The following PPP4R3C variants were observed in gnomAD, a reference collection of about 807,000 sequenced individuals.
PPP4R3C encodes protein PPP4R3C.
For missense variants in PPP4R3C, 372 were observed against 237.3 expected (o/e 1.57, Z -3.73); for synonymous variants, 150 against 86.5 (o/e 1.73, Z -4.07).
rs1922998465 is a variant in PPP4R3C at position 27,462,743 on chromosome X, A to C, written c.554T>G (p.Leu185Arg). Residue 185 changes from leucine to arginine, a missense_variant, in exon 1 of 1, where the codon CTA (leucine) becomes CGA (arginine). Leu to Arg is a moderately radical substitution (Grantham distance 102). Transcript: ENST00000412172. ...LLQLFHTCEN[L>R]ENTEGLHHLY... ...ATGGTGTAAACCTTCAGTATTCTCT[A>C]GATTTTCACAAGTGTGGAACAGTTG... 1 of 516,274 alleles carries C rather than the reference A, an allele frequency of 1.9e-6. No individual in the cohort carries two copies. Among genetic ancestry groups the C allele is most frequent in the African/African-American group, 2.3e-5 (1 of 43,449 alleles). The allele number at this position is 516,274 out of a possible 1,213,427, so 42.5% of individuals were successfully genotyped here.
At position 27,461,954 on chromosome X, in the gene PPP4R3C, C is replaced by T. The variant is rs868351825; in HGVS notation, c.1343G>A (p.Arg448His). The T allele has an allele frequency of 1.5e-5, 8 of 516,629 alleles. No homozygotes were observed. The highest frequency in any genetic ancestry group is 6.9e-5 in the African/African-American group (3 of 43,313). 42.6% of individuals were successfully genotyped at this position (516,629 alleles called of 1,213,427 possible). ...TTTCTCAGGTGTTGTCAGCATGTTG[C>T]GTGGATCAAGTAGAGTATGCAGAAC... ...MVVLHTLLDPRNMLTTPEKSE... is the reference protein window; with the variant it reads ...MVVLHTLLDPHNMLTTPEKSE... The change falls in exon 1 of 1, where the codon CGC becomes CAC. Residue 448 changes from arginine (R) to histidine (H), a missense_variant. Transcript: ENST00000412172.
At position 27,462,075 on chromosome X, in the gene PPP4R3C, C is replaced by T. The variant is rs781066252; in HGVS notation, c.1222G>A (p.Val408Met). ...ATGAAAAGGTCACTATCTTTGCACA[C>T]GTGAGCTTCTGAAATTATAAATTCT... ...IREFIISEAH[V>M]CKDSDLFINV... Residue 408 changes from valine (V) to methionine (M), a missense_variant, in exon 1 of 1, where the codon GTG (valine) becomes ATG (methionine). Physicochemically the swap from Val to Met is conservative, Grantham distance 21 (BLOSUM62 1). Coordinates refer to ENST00000412172, the MANE Select transcript of PPP4R3C (RefSeq NM_207319.4). The T allele has an allele frequency of 4.3e-5, 22 of 513,840 alleles. No individual in the cohort carries two copies. In the South Asian group the frequency reaches 5.2e-4, roughly 12 times the overall value. 42.3% of individuals were successfully genotyped at this position (513,840 alleles called of 1,213,427 possible).
rs1472706166 is a variant in PPP4R3C at position 27,462,046 on chromosome X, A to G, written c.1251T>C (p.Asn417=). The G allele has an allele frequency of 1.9e-6, 1 of 522,464 alleles. No homozygotes were observed. Among genetic ancestry groups the G allele is most frequent in the Non-Finnish European group, 3.4e-6 (1 of 290,356 alleles). The allele number at this position is 522,464 out of a possible 1,213,427, so 43.1% of individuals were successfully genotyped here. A position where few individuals can be genotyped will look rare whatever the true frequency, so the allele number is the denominator to read the frequency against. The part of the protein sequence containing the change: ...HVCKDSDLFI[N]VIIKQMICDT... ...CACAGATCATTTGTTTAATTATTACATTAATGAAAAGGTCACTATCTTTGC... is the reference window on the plus strand; with the variant it reads ...CACAGATCATTTGTTTAATTATTACGTTAATGAAAAGGTCACTATCTTTGC... Residue 417 remains asparagine, a synonymous_variant, in exon 1 of 1, where the codon AAT becomes AAC. Transcript: ENST00000412172.
chrX:27,461,861 A>G lies in PPP4R3C; in HGVS notation c.1436T>C (p.Leu479Ser), dbSNP rs1295298155. 7.8e-6 allele frequency: 4 copies of G among 513,641 alleles called. No individual in the cohort carries two copies. The South Asian group carries it at 9.9e-5, about 13-fold the overall frequency. The allele number at this position is 513,641 out of a possible 1,213,427, so 42.3% of individuals were successfully genotyped here. ...ACAGTTGTGTTCTGAGGTGGCAGCC[A>G]AAAGTGGTGCTGTAAATTTATGCAT... ...HCMHKFTAPL[L>S]AATSEHNCEE... is the part of the protein sequence containing the mutation. The change falls in exon 1 of 1, where the codon TTG becomes TCG. Residue 479 changes from leucine (L) to serine (S), a missense_variant. Transcript: ENST00000412172.
Position 27,461,121 on chromosome X carries a change from T to C in PPP4R3C, c.2176A>G (p.Thr726Ala), listed in dbSNP as rs2146838210. The C allele has an allele frequency of 2.0e-6, 1 of 511,463 alleles. No homozygotes were observed. Among genetic ancestry groups the C allele is most frequent in the Non-Finnish European group, 3.5e-6 (1 of 286,263 alleles). The allele number at this position is 511,463 out of a possible 1,213,427, so 42.2% of individuals were successfully genotyped here. A position where few individuals can be genotyped will look rare whatever the true frequency, so the allele number is the denominator to read the frequency against. ...TCTTGGTGGGTTCTTTTGGTCTCCG[T>C]AAATTTATCGTCATCTTCCAGTGGT... ...MPPLEDDDKF[T>A]ETKRTHQEGE... The change falls in exon 1 of 1, where the codon ACG (threonine) becomes GCG (alanine). Residue 726 changes from threonine to alanine, a missense_variant. Transcript: ENST00000412172.
In PPP4R3C at chrX:27,461,652, T is replaced by C; in HGVS notation, c.1645A>G (p.Lys549Glu). ...LRKALILMNS[K>E]HTHLILCVLR... ...ACACACAAAATCAGGTGAGTATGCTTTGAATTCATCAATATCAAGGCCTTT... is the reference window on the plus strand; with the variant it reads ...ACACACAAAATCAGGTGAGTATGCTCTGAATTCATCAATATCAAGGCCTTT... The change falls in exon 1 of 1, where the codon AAG becomes GAG. Residue 549 changes from lysine (K) to glutamate (E), a missense_variant. Coordinates refer to ENST00000412172, the MANE Select transcript of PPP4R3C (RefSeq NM_207319.4). 1 of 515,836 alleles carries C rather than the reference T, an allele frequency of 1.9e-6. No homozygotes were observed. The highest frequency in any genetic ancestry group is 2.6e-5 in the Admixed American group (1 of 37,947). 42.5% of individuals were successfully genotyped at this position (515,836 alleles called of 1,213,427 possible).
chrX:27,462,894 C>A lies in PPP4R3C; in HGVS notation c.403G>T (p.Asp135Tyr). The change falls in exon 1 of 1, where the codon GAC (aspartate) becomes TAC (tyrosine). Residue 135 changes from aspartate to tyrosine, a missense_variant. Transcript: ENST00000412172. ...TGATCAAGTGTATTGAGTTCACAGT[C>A]AGGCAGCACAACCATATTACTAATT... is the stretch of plus-strand genomic sequence containing the variant. ...SVISNMVVLP[D>Y]CELNTLDQIA... 1.9e-6 allele frequency: 1 copy of A among 515,168 alleles called. No individual in the cohort carries two copies. Among genetic ancestry groups the A allele is most frequent in the South Asian group, 2.5e-5 (1 of 40,701 alleles). The allele number at this position is 515,168 out of a possible 1,213,427, so 42.5% of individuals were successfully genotyped here. A position where few individuals can be genotyped will look rare whatever the true frequency, so the allele number is the denominator to read the frequency against.
chrX:27,461,167 T>C lies in PPP4R3C; in HGVS notation c.2130A>G (p.Gln710=), dbSNP rs1465772013. Residue 710 remains glutamine (Q), a synonymous_variant, in exon 1 of 1, where the codon CAA becomes CAG. Coordinates refer to ENST00000412172, the MANE Select transcript of PPP4R3C (RefSeq NM_207319.4). ...DDEFMETKRT[Q]EGEAVMPPLE... The stretch of plus-strand genomic sequence containing the variant: ...GTGGTGGCATAACTGCTTCTCCTTC[T>C]TGGGTTCTTTTGGTCTCCATAAATT... 1.2e-5 allele frequency: 6 copies of C among 512,302 alleles called. No individual in the cohort carries two copies. The highest frequency in any genetic ancestry group is 2.1e-5 in the Non-Finnish European group (6 of 286,516). The allele number at this position is 512,302 out of a possible 1,213,427, so 42.2% of individuals were successfully genotyped here. A position where few individuals can be genotyped will look rare whatever the true frequency, so the allele number is the denominator to read the frequency against.
Position 27,461,798 on chromosome X carries a change from T to C in PPP4R3C, c.1499A>G (p.Asn500Ser). Residue 500 changes from asparagine (N) to serine (S), a missense_variant, in exon 1 of 1, where the codon AAT becomes AGT. Transcript: ENST00000412172. ...DDIAGYDKSK[N>S]CPNDNQTAQL... Reference sequence around the variant, plus strand: ...TGCTGTTTGATTATCATTGGGGCAATTTTTGCTTTTGTCATATCCAGCTAT... The same window carrying C: ...TGCTGTTTGATTATCATTGGGGCAACTTTTGCTTTTGTCATATCCAGCTAT... The C allele has an allele frequency of 1.9e-6, 1 of 515,378 alleles. No homozygotes were observed. The highest frequency in any genetic ancestry group is 3.5e-6 in the Non-Finnish European group (1 of 287,046). The allele number at this position is 515,378 out of a possible 1,213,427, so 42.5% of individuals were successfully genotyped here.
Position 27,462,587 on chromosome X carries a change from CT to C in PPP4R3C, c.709del (p.Arg237GlyfsTer6). On this transcript the variant is annotated frameshift_variant, in exon 1 of 1. Transcript: ENST00000412172. LOFTEE classifies it low-confidence loss of function (END_TRUNC). ...EYDPALDQPK[R>X]HRDFLTNDAK... ...ATCGTTGGTCAAGAAGTCCCTATGC[CT>C]TTTTGGCTGATCCAAAGCAGGGTCA... 1 of 560,628 alleles carries C rather than the reference CT, an allele frequency of 1.8e-6. No individual in the cohort carries two copies. The allele number at this position is 560,628 out of a possible 1,213,427, so 46.2% of individuals were successfully genotyped here.
Position 27,461,412 on chromosome X carries a change from T to G in PPP4R3C, c.1885A>C (p.Thr629Pro). 3.9e-6 allele frequency: 2 copies of G among 515,586 alleles called. No homozygotes were observed. 42.5% of individuals were successfully genotyped at this position (515,586 alleles called of 1,213,427 possible). A position where few individuals can be genotyped will look rare whatever the true frequency, so the allele number is the denominator to read the frequency against. The change falls in exon 1 of 1, where the codon ACA becomes CCA. Residue 629 changes from threonine (T) to proline (P), a missense_variant. Physicochemically the swap from Thr to Pro is conservative, Grantham distance 38. Coordinates refer to ENST00000412172, the MANE Select transcript of PPP4R3C (RefSeq NM_207319.4). Reference sequence around the variant, plus strand: ...TGAACATATTCAATCGATTCAAGTGTGTTATAAAACTTTTCAACTATATGT... The same window carrying G: ...TGAACATATTCAATCGATTCAAGTGGGTTATAAAACTTTTCAACTATATGT... ...VSHIVEKFYN[T>P]LESIEYVQTF...
At position 27,462,711 on chromosome X, in the gene PPP4R3C, C is replaced by A; in HGVS notation, c.586G>T (p.Glu196Ter). 1.9e-6 allele frequency: 1 copy of A among 530,807 alleles called. No homozygotes were observed. The allele number at this position is 530,807 out of a possible 1,213,427, so 43.7% of individuals were successfully genotyped here. A position where few individuals can be genotyped will look rare whatever the true frequency, so the allele number is the denominator to read the frequency against. Residue 196 changes from glutamate to a stop codon, truncating the protein, a stop_gained, in exon 1 of 1, where the codon GAA (glutamate) becomes TAA (stop). Coordinates refer to ENST00000412172, the MANE Select transcript of PPP4R3C (RefSeq NM_207319.4). LOFTEE classifies it low-confidence loss of function (END_TRUNC). ...AGGAACAAAATTCCCTTAATAATTT[C>A]ATACAAATGGTGTAAACCTTCAGTA... ...ENTEGLHHLY[E>*]IIKGILFLNE...
In PPP4R3C at chrX:27,461,600, C is replaced by T. The variant is rs1922966895; in HGVS notation, c.1697G>A (p.Cys566Tyr). The change falls in exon 1 of 1, where the codon TGC becomes TAC. Residue 566 changes from cysteine to tyrosine, a missense_variant. By Grantham distance (194) the Cys-to-Tyr change is radical. Transcript: ENST00000412172. The part of the protein sequence containing the change: ...CVLRFMRRMI[C>Y]LNDEAYNNYI... Reference sequence around the variant, plus strand: ...ATTATTATAAGCTTCATCATTAAGGCAAATCATCCTTCTCATAAAGCGAAG... The same window carrying T: ...ATTATTATAAGCTTCATCATTAAGGTAAATCATCCTTCTCATAAAGCGAAG... 1 of 516,566 alleles carries T rather than the reference C, an allele frequency of 1.9e-6. No individual in the cohort carries two copies. 42.6% of individuals were successfully genotyped at this position (516,566 alleles called of 1,213,427 possible).
rs1190643182 is a variant in PPP4R3C at position 27,462,461 on chromosome X, A to G, written c.836T>C (p.Val279Ala). Residue 279 changes from valine to alanine, a missense_variant, in exon 1 of 1, where the codon GTG becomes GCG. Coordinates refer to ENST00000412172, the MANE Select transcript of PPP4R3C (RefSeq NM_207319.4). ...LQYIYDILLPVPSIFEDNFLS... is the reference protein window; with the variant it reads ...LQYIYDILLPAPSIFEDNFLS... ...AAAATTATCTTCAAATATGGAAGGC[A>G]CAGGCAAAAGAATGTCATAAATGTA... 1 of 514,467 alleles carries G rather than the reference A, an allele frequency of 1.9e-6. No individual in the cohort carries two copies. 42.4% of individuals were successfully genotyped at this position (514,467 alleles called of 1,213,427 possible).
Position 27,462,656 on chromosome X carries a change from A to G in PPP4R3C, c.641T>C (p.Phe214Ser), listed in dbSNP as rs1922995383. The change falls in exon 1 of 1, where the codon TTT becomes TCT. Residue 214 changes from phenylalanine (F) to serine (S), a missense_variant. Physicochemically the swap from Phe to Ser is radical, Grantham distance 155. Coordinates refer to ENST00000412172, the MANE Select transcript of PPP4R3C (RefSeq NM_207319.4). The stretch of plus-strand genomic sequence containing the variant: ...CACATCCATGATACACTCGTCAGAA[A>G]ACATTATCTCAAACAGACATGCCTC... ...LNEACLFEIMFSDECIMDVVG... is the reference protein window; with the variant it reads ...LNEACLFEIMSSDECIMDVVG... The G allele has an allele frequency of 1.8e-6, 1 of 557,964 alleles. No homozygotes were observed. Among genetic ancestry groups the G allele is most frequent in the African/African-American group, 2.2e-5 (1 of 44,814 alleles). 46.0% of individuals were successfully genotyped at this position (557,964 alleles called of 1,213,427 possible).
chrX:27,460,531 TC>T lies in PPP4R3C; in HGVS notation c.*266del, dbSNP rs961595360. The T allele has an allele frequency of 4.2e-6, 1 of 235,818 alleles. No homozygotes were observed. Among genetic ancestry groups the T allele is most frequent in the African/African-American group, 2.9e-5 (1 of 34,556 alleles). 19.4% of individuals were successfully genotyped at this position (235,818 alleles called of 1,213,427 possible). Reference sequence around the variant, plus strand: ...TCTTCCCCATTCCAAACTAAGACTTTCCTTCCCAAAGATGGTTTCCTCCCCC... The same window carrying T: ...TCTTCCCCATTCCAAACTAAGACTTTCTTCCCAAAGATGGTTTCCTCCCCC... On this transcript the variant is annotated 3_prime_UTR_variant, in exon 1 of 1. Transcript: ENST00000412172.
rs1383715873 is a variant in PPP4R3C at position 27,463,311 on chromosome X, T to TAG, written c.-16_-15insCT. ...AGGCCTGCCATAGCGTCCTCTGGCC[T>TAG]CGCCCCGTCAGGTCTGTTCTCCACG... On this transcript the variant is annotated 5_prime_UTR_variant, in exon 1 of 1. Coordinates refer to ENST00000412172, the MANE Select transcript of PPP4R3C (RefSeq NM_207319.4). The TAG allele has an allele frequency of 2.0e-6, 1 of 497,263 alleles. No homozygotes were observed. The highest frequency in any genetic ancestry group is 3.6e-6 in the Non-Finnish European group (1 of 277,405). 41.0% of individuals were successfully genotyped at this position (497,263 alleles called of 1,213,427 possible). A position where few individuals can be genotyped will look rare whatever the true frequency, so the allele number is the denominator to read the frequency against.
In PPP4R3C at chrX:27,463,285, C is replaced by A; in HGVS notation, c.12G>T (p.Leu4=). 2.0e-6 allele frequency: 1 copy of A among 510,191 alleles called. No individual in the cohort carries two copies. The highest frequency in any genetic ancestry group is 2.5e-5 in the South Asian group (1 of 40,005). The allele number at this position is 510,191 out of a possible 1,213,427, so 42.0% of individuals were successfully genotyped here. A position where few individuals can be genotyped will look rare whatever the true frequency, so the allele number is the denominator to read the frequency against. Residue 4 remains leucine, a synonymous_variant, in exon 1 of 1, where the codon CTG becomes CTT. Transcript: ENST00000412172. MAG[L]RYSVKVYVLN... ...GGACATAGACTTTTACACTGTACCTCAGGCCTGCCATAGCGTCCTCTGGCC... is the reference window on the plus strand; with the variant it reads ...GGACATAGACTTTTACACTGTACCTAAGGCCTGCCATAGCGTCCTCTGGCC...
chrX:27,462,076 G>A lies in PPP4R3C; in HGVS notation c.1221C>T (p.His407=), dbSNP rs749591829. The change falls in exon 1 of 1, where the codon CAC becomes CAT. Residue 407 remains histidine (H), a synonymous_variant. Transcript: ENST00000412172. ...RIREFIISEA[H]VCKDSDLFIN... ...TGAAAAGGTCACTATCTTTGCACACGTGAGCTTCTGAAATTATAAATTCTC... is the reference window on the plus strand; with the variant it reads ...TGAAAAGGTCACTATCTTTGCACACATGAGCTTCTGAAATTATAAATTCTC... The A allele has an allele frequency of 1.9e-6, 1 of 515,180 alleles. No individual in the cohort carries two copies. Among genetic ancestry groups the A allele is most frequent in the Admixed American group, 2.6e-5 (1 of 37,910 alleles). 42.5% of individuals were successfully genotyped at this position (515,180 alleles called of 1,213,427 possible). A position where few individuals can be genotyped will look rare whatever the true frequency, so the allele number is the denominator to read the frequency against.
Sources: gnomAD v4.1 joint callset for allele counts on GRCh38, gnomAD v4.1.1 for gene constraint, MANE v1.5 for transcripts, NCBI Gene and HGNC (gene_info 2026-07-23, HGNC 2026-07-21) for gene names.